TUSC3: variants seen among roughly 807,000 people sequenced by gnomAD.
The protein encoded by TUSC3 is dolichyl-diphosphooligosaccharide--protein glycosyltransferase subunit TUSC3.
Under a neutral mutation model 44.8 loss-of-function variants are expected in TUSC3, and 45 were observed. The observed-to-expected ratio is 1.00, with a 90% CI of 0.79 to 1.29. The LOEUF is 1.29. Among genes scored for constraint, TUSC3 ranks in the 50% most tolerant of loss-of-function variants. The pLI is 0.00. For missense variants in TUSC3, 519 were observed against 437.9 expected (o/e 1.19, Z -1.65); for synonymous variants, 212 against 152.9 (o/e 1.39, Z -2.85).
Position 15,623,141 on chromosome 8 carries a change from G to T in TUSC3, c.200G>T (p.Arg67Leu), listed in dbSNP as rs576144260. The change falls in exon 2 of 11, where the codon CGA (arginine) becomes CTA (leucine). Residue 67 changes from arginine (R) to leucine (L), a missense_variant. Transcript: ENST00000503731. ...TGGAGTTCCAGACGCTCAATCTTCC[G>T]AATGAATGGTGATAAATTCCGAAAA... ...MEWSSRRSIF[R>L]MNGDKFRKFI... The T allele has an allele frequency of 1.2e-6, 2 of 1,613,790 alleles. No homozygotes were observed. The highest frequency in any genetic ancestry group is 2.7e-5 in the African/African-American group (2 of 74,990).
At chr8:15,505,310 A>T (rs538051562) in intron 2 of TUSC3, among the ~76,000 whole-genome samples, 8 of 152,234 alleles carry the variant, frequency 5.3e-5, no homozygotes, top group Non-Finnish European at 8.8e-5. Context: ...AAAAAAACCC[A>T]GAATGCTGTT....
At chr8:15,483,649 ATTTTT>A (rs60092911) in intron 2 of TUSC3, among the ~76,000 whole-genome samples, 9,483 of 66,070 alleles carry the variant, frequency 0.14, 726 homozygotes, top group African/African-American at 0.27. Flanking sequence ...TAGCACTGTG[ATTTTT>A]TTTTTTTTTT....
intron 6 of TUSC3, among the ~76,000 whole-genome samples, chr8:15,684,291 T>C (rs1206957660): frequency 2.0e-5 from 3 of 152,110 alleles, no homozygotes; most frequent in Non-Finnish European, 4.4e-5. Context: ...GGGAACCCAC[T>C]GTTCCTCTGT....
intron 1 of TUSC3, among the ~76,000 whole-genome samples, chr8:15,550,713 C>A (rs186598493): frequency 6.6e-6 from 1 of 151,356 alleles, no homozygotes; most frequent in East Asian, 2.0e-4. Context: ...TCACTGTCAC[C>A]CAGGTTGGAG....
intron 1 of TUSC3, among the ~76,000 whole-genome samples, chr8:15,451,696 A>G (rs1157998767): frequency 2.6e-5 from 4 of 152,166 alleles, no homozygotes; most frequent in Non-Finnish European, 4.4e-5. Flanking sequence ...AACCTTTAGG[A>G]CAAAAGCACA....
the TUSC3 span, chr8:15,806,013 T>G: frequency 4.8e-6 from 1 of 209,252 alleles, no homozygotes; most frequent in African/African-American, 2.3e-5. Context: ...CTGCTGAAGT[T>G]CTCTGGTGTG....
At chr8:15,704,006 C>A (rs1318597697) in intron 6 of TUSC3, among the ~76,000 whole-genome samples, 2 of 152,050 alleles carry the variant, frequency 1.3e-5, no homozygotes, top group Non-Finnish European at 2.9e-5. Flanking sequence ...CCTCAAAAAG[C>A]TTTTATTTTA....
intron 1 of TUSC3, among the ~76,000 whole-genome samples, chr8:15,606,030 C>G (rs1202287296): frequency 6.6e-6 from 1 of 151,934 alleles, no homozygotes; most frequent in Non-Finnish European, 1.5e-5. Context: ...ATTTTTCATT[C>G]TGTTTAATGT....
At chr8:15,590,735 AATCTT>A (rs1383979452) in intron 1 of TUSC3, among the ~76,000 whole-genome samples, 1 of 151,432 alleles carries the variant, frequency 6.6e-6, no homozygotes, top group African/African-American at 2.4e-5. Context: ...GCTGTGGTGC[AATCTT>A]GGCTCATTGT....
chr8:15,555,189 T>C (rs62504171), intron 1 of TUSC3, among the ~76,000 whole-genome samples: 23,813 of 127,618 alleles, frequency 0.19, 2,746 homozygotes, highest in South Asian at 0.24. Context: ...TACTCTGTTG[T>C]CCAGGGTGGA....
At chr8:15,770,876 C>CA (rs1213252728), downstream of TUSC3, among the ~76,000 whole-genome samples, 4 of 151,958 alleles carry the variant, frequency 2.6e-5, no homozygotes, top group Non-Finnish European at 4.4e-5. Context: ...TCAAACTTAC[C>CA]AAATCTGAAA....
At chr8:15,691,460 A>G (rs1808897143) in intron 6 of TUSC3, among the ~76,000 whole-genome samples, 1 of 152,122 alleles carries the variant, frequency 6.6e-6, no homozygotes, top group Non-Finnish European at 1.5e-5. Flanking sequence ...GCAAACATAG[A>G]TAGTTTGACT....
intron 1 of TUSC3, among the ~76,000 whole-genome samples, chr8:15,577,258 A>G (rs1457338294): frequency 1.3e-5 from 2 of 151,262 alleles, no homozygotes; most frequent in East Asian, 1.9e-4. Flanking sequence ...CCCATTTTGT[A>G]GGTTGCCTGT....
chr8:15,804,732 G>A, the TUSC3 span, among the ~76,000 whole-genome samples: 1 of 152,194 alleles, frequency 6.6e-6, no homozygotes, highest in African/African-American at 2.4e-5. Context: ...TCACCTCAGA[G>A]TATACTTTGA....
intron 1 of TUSC3, among the ~76,000 whole-genome samples, chr8:15,455,274 T>C (rs1300903644): frequency 6.6e-6 from 1 of 152,112 alleles, no homozygotes; most frequent in African/African-American, 2.4e-5. Flanking sequence ...AAGCTTCTAA[T>C]GTGGTTTTGT....
chr8:15,542,928 A>G (rs1350874377), intron 1 of TUSC3, among the ~76,000 whole-genome samples: 3 of 152,338 alleles, frequency 2.0e-5, no homozygotes, highest in East Asian at 1.9e-4. Context: ...GATCATTTCT[A>G]TAGTTTGTTA....
chr8:15,726,840 G>A (rs1325153478), intron 6 of TUSC3, among the ~76,000 whole-genome samples: 1 of 151,980 alleles, frequency 6.6e-6, no homozygotes, highest in Admixed American at 6.6e-5. Context: ...AATATTCAAT[G>A]GATTAGACAA....
At chr8:15,527,629 G>C (rs1801392827) in intron 2 of TUSC3, among the ~76,000 whole-genome samples, 1 of 152,112 alleles carries the variant, frequency 6.6e-6, no homozygotes, top group East Asian at 1.9e-4. Context: ...GTTCTGAAAT[G>C]CCTGGCCTCA....
the TUSC3 span, among the ~76,000 whole-genome samples, chr8:15,821,159 A>G: frequency 2.0e-5 from 3 of 152,258 alleles, no homozygotes; most frequent in East Asian, 5.8e-4. Context: ...TTTATGATGT[A>G]TATATAATTC....
Sources: gnomAD v4.1 joint callset for allele counts (sites outside exome capture counted in the v4.1 genomes callset) on GRCh38, gnomAD v4.1.1 for gene constraint, MANE v1.5 for transcripts, NCBI Gene and HGNC (gene_info 2026-07-23, HGNC 2026-07-21) for gene names.